Variants in COL5A2 observed in about 807,000 individuals in gnomAD.
The protein encoded by COL5A2 is collagen alpha-2(V) chain.
COL5A2 carries 23 observed loss-of-function variants against 208.2 expected under a neutral mutation model. The ratio of observed to expected loss-of-function variants is 0.11; its 90% confidence interval spans 0.08 to 0.16. The LOEUF is 0.16. Ranked by LOEUF, COL5A2 falls within the 10% of genes least tolerant of loss-of-function variation. COL5A2 has a pLI of 1.00. For synonymous variants in COL5A2, 625 were observed against 628.5 expected, an observed-to-expected ratio of 0.99 and a Z score of 0.08; for missense variants, 1,590 against 1,956.4, an observed-to-expected ratio of 0.81 and a Z score of 3.53.
the COL5A2 span, among the ~76,000 whole-genome samples, chr2:189,248,779 T>C: frequency 2.6e-4 from 39 of 152,196 alleles, no homozygotes; most frequent in African/African-American, 9.4e-4. Context: ...CAATGATTTC[T>C]GAAAGATTTT....
chr2:189,247,463 C>T, the COL5A2 span, among the ~76,000 whole-genome samples: 1 of 152,062 alleles, frequency 6.6e-6, no homozygotes, highest in Admixed American at 6.6e-5. Flanking sequence ...ACAGAGAAAC[C>T]CAACATGACC....
the COL5A2 span, among the ~76,000 whole-genome samples, chr2:189,319,625 C>T: frequency 6.6e-6 from 1 of 152,240 alleles, no homozygotes; most frequent in Admixed American, 6.5e-5. Flanking sequence ...GGGAGGGGCG[C>T]CCGCCATTGC....
Position 189,068,405 on chromosome 2 carries a change from A to G in COL5A2, c.1258-135T>C, listed in dbSNP as rs992600612. 3.2e-5 allele frequency: 25 copies of G among 777,768 alleles called. 1 individual carries two copies. The highest frequency in any genetic ancestry group is 4.4e-5 in the Admixed American group (2 of 45,468). 48.2% of individuals were successfully genotyped at this position (777,768 alleles called of 1,614,324 possible). Reference sequence around the variant, plus strand: ...TAAAAATCAACCACCATTATATCATAAAAATTACTTTTTTGACTACTTCTC... The same window carrying G: ...TAAAAATCAACCACCATTATATCATGAAAATTACTTTTTTGACTACTTCTC... On this transcript the variant is annotated intron_variant, in intron 19 of 53. Transcript: ENST00000374866.
chr2:189,051,453 C>T lies in COL5A2; in HGVS notation c.2798G>A (p.Gly933Glu). The change falls in exon 42 of 54, where the codon GGG (glycine) becomes GAG (glutamate). Residue 933 changes from glycine to glutamate, a missense_variant. By Grantham distance (98) the Gly-to-Glu change is moderately conservative. Coordinates refer to ENST00000374866, the MANE Select transcript of COL5A2 (RefSeq NM_000393.5). ...AGAPGPAGPL[G>E]EPGKEGPPGL... ...TGGAGGTCCCTCCTTCCCGGGTTCC[C>T]CTAGGGGTCCCGCAGGTCCTGGAGC... 1 of 1,611,364 alleles carries T rather than the reference C, an allele frequency of 6.2e-7. No homozygotes were observed. The highest frequency in any genetic ancestry group is 8.5e-7 in the Non-Finnish European group (1 of 1,178,654).
chr2:189,368,705 G>A, the COL5A2 span, among the ~76,000 whole-genome samples: 1 of 152,106 alleles, frequency 6.6e-6, no homozygotes, highest in African/African-American at 2.4e-5. Context: ...CAACATAAAT[G>A]GTGAAAGGAA....
chr2:189,350,925 T>G, the COL5A2 span, among the ~76,000 whole-genome samples: 2 of 152,294 alleles, frequency 1.3e-5, no homozygotes, highest in African/African-American at 4.8e-5. Flanking sequence ...TTTCTGACTT[T>G]GAAATATTTT....
At chr2:189,227,314 A>G (rs183894176), upstream of COL5A2, among the ~76,000 whole-genome samples, 15 of 152,296 alleles carry the variant, frequency 9.8e-5, no homozygotes, top group African/African-American at 3.1e-4. Context: ...AAAGATGCTC[A>G]GTAAGCTCAT....
chr2:189,285,312 A>T, the COL5A2 span, among the ~76,000 whole-genome samples: 1 of 152,118 alleles, frequency 6.6e-6, no homozygotes, highest in Middle Eastern at 3.4e-3. Flanking sequence ...GACAAATCAC[A>T]ACTCTATTTT....
the COL5A2 span, among the ~76,000 whole-genome samples, chr2:189,242,752 C>G: frequency 1.3e-5 from 2 of 152,150 alleles, no homozygotes; most frequent in African/African-American, 4.8e-5. Context: ...ATTAATGGAG[C>G]AGGCTGAACT....
intron 1 of COL5A2, among the ~76,000 whole-genome samples, chr2:189,191,183 C>CAAA (rs1216732160): frequency 0.012 from 1,684 of 137,042 alleles, 63 homozygotes; most frequent in South Asian, 0.039. Context: ...AAAACAACAA[C>CAAA]AAAAAAAACC....
intron 2 of COL5A2, among the ~76,000 whole-genome samples, chr2:189,106,204 T>C (rs1373076910): frequency 2.0e-5 from 3 of 151,476 alleles, no homozygotes; most frequent in Admixed American, 6.6e-5. Context: ...AATTAACTTA[T>C]GGAGAATTTA....
chr2:189,351,746 CGGAA>C, the COL5A2 span, among the ~76,000 whole-genome samples: 2 of 151,864 alleles, frequency 1.3e-5, no homozygotes, highest in Non-Finnish European at 2.9e-5. Flanking sequence ...GGGGGCAGGA[CGGAA>C]GGAAGAAAAA....
chr2:189,062,381 A>C (rs1007056240), intron 29 of COL5A2, among the ~76,000 whole-genome samples: 5 of 151,960 alleles, frequency 3.3e-5, no homozygotes, highest in Non-Finnish European at 7.4e-5. Context: ...ACAGGGTTTC[A>C]CCATGTTGGC....
the COL5A2 span, among the ~76,000 whole-genome samples, chr2:189,409,199 T>A: frequency 7.2e-6 from 1 of 139,394 alleles, no homozygotes; most frequent in Non-Finnish European, 1.5e-5. Flanking sequence ...TTTTATAAAT[T>A]TACTCTTTTT....
the COL5A2 span, among the ~76,000 whole-genome samples, chr2:189,365,537 C>A: frequency 6.6e-6 from 1 of 152,192 alleles, no homozygotes; most frequent in East Asian, 1.9e-4. Context: ...AGCTGTTTAA[C>A]ACATTAGTGC....
the COL5A2 span, among the ~76,000 whole-genome samples, chr2:189,305,803 G>A: frequency 3.9e-4 from 50 of 127,212 alleles, no homozygotes; most frequent in African/African-American, 1.3e-3. Context: ...GGAAGAGAGA[G>A]ATATTCAATC....
chr2:189,081,252 A>G (rs570463251), intron 12 of COL5A2, among the ~76,000 whole-genome samples: 21 of 152,364 alleles, frequency 1.4e-4, no homozygotes, highest in African/African-American at 4.8e-4. Context: ...AAATGGAAAC[A>G]TGACTTATAC....
chr2:189,318,805 G>T, the COL5A2 span, among the ~76,000 whole-genome samples: 4 of 152,194 alleles, frequency 2.6e-5, no homozygotes, highest in Non-Finnish European at 4.4e-5. Context: ...GGGCTTGGGG[G>T]TGTCAGTTGC....
At chr2:189,304,307 A>G in the COL5A2 span, among the ~76,000 whole-genome samples, 841 of 152,296 alleles carry the variant, frequency 5.5e-3, 17 homozygotes, top group East Asian at 0.037. Flanking sequence ...ACTTTAGCTA[A>G]GATTAGCAGC....
Sources: allele counts gnomAD v4.1 joint callset (sites outside exome capture counted in the v4.1 genomes callset), GRCh38; gene constraint gnomAD v4.1.1; transcripts MANE v1.5; gene names NCBI Gene and HGNC (gene_info 2026-07-23, HGNC 2026-07-21).